Variants in NDST3 observed in about 807,000 individuals in gnomAD.
NDST3 encodes the protein bifunctional heparan sulfate N-deacetylase/N-sulfotransferase 3.
Under a neutral mutation model 96.1 loss-of-function variants are expected in NDST3, and 58 were observed. The observed-to-expected ratio is 0.60, with a 90% CI of 0.49 to 0.75. NDST3 has a LOEUF of 0.75. NDST3 is among the 30% of genes least tolerant of loss of function. The probability of loss-of-function intolerance (pLI) is 0.00; values close to 1 mark genes in which losing one functional copy is unlikely to be tolerated. For synonymous variants in NDST3, 333 were observed against 359.7 expected, an observed-to-expected ratio of 0.93 and a Z score of 0.84; for missense variants, 788 against 1,034.2, an observed-to-expected ratio of 0.76 and a Z score of 3.27.
At chr4:118,221,396 G>C (rs4834670) in intron 6 of NDST3, among the ~76,000 whole-genome samples, 41,744 of 151,930 alleles carry the variant, frequency 0.27, 6,121 homozygotes, top group East Asian at 0.52. Flanking sequence ...GAAAGGCATA[G>C]TTTATAATAA....
intron 6 of NDST3, among the ~76,000 whole-genome samples, chr4:118,188,118 T>C (rs1193697931): frequency 1.3e-5 from 2 of 152,014 alleles, no homozygotes; most frequent in Non-Finnish European, 2.9e-5. Context: ...AAATGAAAAT[T>C]GAATGAAATC....
intron 6 of NDST3, among the ~76,000 whole-genome samples, chr4:118,144,729 T>A (rs571235411): frequency 2.4e-5 from 3 of 124,302 alleles, no homozygotes; most frequent in Admixed American, 9.6e-5. Context: ...GGAAAAAAAA[T>A]TATTATTTCC....
intron 1 of NDST3, among the ~76,000 whole-genome samples, chr4:118,045,477 T>A (rs1174885611): frequency 1.3e-5 from 2 of 152,136 alleles, no homozygotes; most frequent in African/African-American, 4.8e-5. Context: ...CCCATAAATG[T>A]TTGAATGCAT....
intron 2 of NDST3, among the ~76,000 whole-genome samples, chr4:118,062,355 C>T (rs1024390558): frequency 6.6e-6 from 1 of 152,122 alleles, no homozygotes; most frequent in African/African-American, 2.4e-5. Flanking sequence ...CTGGAAGTCA[C>T]CTAAACATTT....
chr4:118,174,659 C>T (rs1439042173), intron 6 of NDST3, among the ~76,000 whole-genome samples: 1 of 152,188 alleles, frequency 6.6e-6, no homozygotes, highest in Admixed American at 6.6e-5. Flanking sequence ...TCTAAGTGCT[C>T]CCAACCACCA....
intron 6 of NDST3, among the ~76,000 whole-genome samples, chr4:118,203,819 T>A (rs923998176): frequency 1.3e-5 from 2 of 152,200 alleles, no homozygotes; most frequent in African/African-American, 4.8e-5. Flanking sequence ...TCTTGAATCT[T>A]AGCTTTAATT....
chr4:118,169,407 TTTAAG>T (rs1400635312), intron 6 of NDST3, among the ~76,000 whole-genome samples: 8 of 152,262 alleles, frequency 5.3e-5, no homozygotes, highest in Non-Finnish European at 8.8e-5. Context: ...AAAAGTCACT[TTTAAG>T]TTATTTTTTA....
At chr4:118,202,826 C>T (rs910248483) in intron 6 of NDST3, among the ~76,000 whole-genome samples, 1 of 152,100 alleles carries the variant, frequency 6.6e-6, no homozygotes, top group Non-Finnish European at 1.5e-5. Flanking sequence ...CCTGATTGTT[C>T]CAGCTATGAC....
chr4:118,219,806 A>G (rs1172830514), intron 6 of NDST3, among the ~76,000 whole-genome samples: 1 of 151,952 alleles, frequency 6.6e-6, no homozygotes, highest in Non-Finnish European at 1.5e-5. Context: ...AATTTAAACA[A>G]ATCTACAAGG....
At chr4:118,193,172 C>T (rs1031514111) in intron 6 of NDST3, among the ~76,000 whole-genome samples, 2 of 152,114 alleles carry the variant, frequency 1.3e-5, no homozygotes, top group African/African-American at 2.4e-5. Flanking sequence ...TATGGATGGA[C>T]ATATGTTCAT....
At chr4:118,251,950 A>T (rs971575618) in intron 12 of NDST3, among the ~76,000 whole-genome samples, 1 of 152,032 alleles carries the variant, frequency 6.6e-6, no homozygotes, top group African/African-American at 2.4e-5. Context: ...TTTTTTTCTA[A>T]AACTTAACAA....
intron 6 of NDST3, among the ~76,000 whole-genome samples, chr4:118,220,616 T>TA (rs934429763): frequency 6.6e-6 from 1 of 151,768 alleles, no homozygotes; most frequent in Non-Finnish European, 1.5e-5. Context: ...AAAGTAAAAT[T>TA]AAAAAAATAA....
intron 3 of NDST3, among the ~76,000 whole-genome samples, chr4:118,106,786 G>C (rs1019642226): frequency 6.6e-6 from 1 of 151,802 alleles, no homozygotes; most frequent in African/African-American, 2.4e-5. Flanking sequence ...GCAAGAATCT[G>C]TCTCTTAAAA....
chr4:118,072,104 C>A (rs1727127436), intron 2 of NDST3, among the ~76,000 whole-genome samples: 1 of 152,016 alleles, frequency 6.6e-6, no homozygotes. Context: ...GTTTTAGTAC[C>A]AATACCATGC....
At chr4:118,235,064 G>GAAGGAAAGAAGGAAA (rs1488094565) in intron 9 of NDST3, among the ~76,000 whole-genome samples, 1 of 19,000 alleles carries the variant, frequency 5.3e-5, no homozygotes, top group Non-Finnish European at 2.1e-4. Context: ...AAGGAAGGAA[G>GAAGGAAAGAAGGAAA]GACTGACTCA....
intron 12 of NDST3, among the ~76,000 whole-genome samples, chr4:118,248,617 A>T (rs909109280): frequency 6.6e-6 from 1 of 152,354 alleles, no homozygotes; most frequent in Middle Eastern, 3.4e-3. Context: ...ACACTAAACA[A>T]TATATGAACA....
chr4:118,255,583 C>T lies in NDST3; in HGVS notation c.2503-10C>T, dbSNP rs1204479259. The T allele has an allele frequency of 2.5e-6, 4 of 1,600,128 alleles. No homozygotes were observed. The highest frequency in any genetic ancestry group is 2.7e-5 in the African/African-American group (2 of 74,268). On this transcript the variant is annotated splice_polypyrimidine_tract_variant and intron_variant, in intron 13 of 13. Transcript: ENST00000296499. ...ATAAAATGTACTTTTCTCTCCTCCT[C>T]TCCACTTAGAGCAGGACATTTCTGT...
chr4:118,179,447 C>T (rs1736465491), intron 6 of NDST3, among the ~76,000 whole-genome samples: 1 of 151,688 alleles, frequency 6.6e-6, no homozygotes, highest in Non-Finnish European at 1.5e-5. Context: ...CCTCATTCTG[C>T]CATAATTACT....
intron 2 of NDST3, among the ~76,000 whole-genome samples, chr4:118,076,188 T>C (rs111423149): frequency 2.0e-5 from 3 of 152,210 alleles, no homozygotes; most frequent in African/African-American, 7.2e-5. Context: ...TAGGTTTCCC[T>C]TTGTGGGTGA....
Sources: gnomAD v4.1 joint callset for allele counts (sites outside exome capture counted in the v4.1 genomes callset) on GRCh38, gnomAD v4.1.1 for gene constraint, MANE v1.5 for transcripts, NCBI Gene and HGNC (gene_info 2026-07-23, HGNC 2026-07-21) for gene names.